Variants in PHLDB2 observed in about 807,000 individuals in gnomAD.
The protein encoded by PHLDB2 is pleckstrin homology-like domain family B member 2.
PHLDB2 carries 71 observed loss-of-function variants against 123.6 expected under a neutral mutation model. That is an observed-to-expected ratio of 0.57 (90% confidence interval 0.47 to 0.70). The LOEUF (loss-of-function observed/expected upper bound fraction) is 0.70, where lower values mean the gene tolerates loss of function less well. Among genes scored for constraint, PHLDB2 ranks in the 30% least tolerant of loss-of-function variants. The pLI is 0.00. For missense variants in PHLDB2, 1,446 were observed against 1,519.5 expected (o/e 0.95, Z 0.80); for synonymous variants, 547 against 541.6 (o/e 1.01, Z -0.14).
At chr3:111,759,361 G>C (rs1183195388) in intron 1 of PHLDB2, among the ~76,000 whole-genome samples, 2 of 152,162 alleles carry the variant, frequency 1.3e-5, no homozygotes, top group East Asian at 3.8e-4. Context: ...GGTTTCTTTT[G>C]TAAGGGTACC....
At chr3:111,842,560 T>C (rs1165538706) in intron 1 of PHLDB2, among the ~76,000 whole-genome samples, 1 of 152,218 alleles carries the variant, frequency 6.6e-6, no homozygotes, top group Non-Finnish European at 1.5e-5. Context: ...TTCACTGCCC[T>C]AAAAATCTTC....
intron 13 of PHLDB2, among the ~76,000 whole-genome samples, chr3:111,966,251 C>A (rs1577217418): frequency 6.6e-6 from 1 of 152,132 alleles, no homozygotes; most frequent in East Asian, 1.9e-4. Context: ...TCTCATGGGT[C>A]ATTATTTTTA....
intron 1 of PHLDB2, among the ~76,000 whole-genome samples, chr3:111,767,234 G>A (rs890739868): frequency 6.6e-6 from 1 of 152,114 alleles, no homozygotes; most frequent in Non-Finnish European, 1.5e-5. Context: ...AAAGTCAAGG[G>A]ACTTTTCCAG....
chr3:111,866,153 G>A (rs2065070518), intron 1 of PHLDB2, among the ~76,000 whole-genome samples: 1 of 150,802 alleles, frequency 6.6e-6, no homozygotes, highest in South Asian at 2.1e-4. Context: ...CGAGTAGCTG[G>A]GATTACAGGC....
intron 1 of PHLDB2, among the ~76,000 whole-genome samples, chr3:111,868,451 C>T (rs1250782503): frequency 6.6e-6 from 1 of 150,658 alleles, no homozygotes; most frequent in Non-Finnish European, 1.5e-5. Flanking sequence ...GTTTTTTTTT[C>T]CCCCTTGCCA....
intron 1 of PHLDB2, among the ~76,000 whole-genome samples, chr3:111,839,856 A>T (rs1243043014): frequency 6.6e-6 from 1 of 151,730 alleles, no homozygotes; most frequent in Non-Finnish European, 1.5e-5. Context: ...GATCAAGTGT[A>T]GAAAATATGC....
chr3:111,824,610 C>G lies in PHLDB2; in HGVS notation c.-48-21211C>G, dbSNP rs545389772. 3.9e-5 allele frequency among the ~76,000 whole-genome samples: 6 copies of G among 152,300 alleles called. No homozygotes were observed. The South Asian group carries it at 1.2e-3, about 32-fold the overall frequency. The stretch of plus-strand genomic sequence containing the variant: ...GAAGTGGAAGTAAAAGCATGTAGCC[C>G]TGATTGCAGCTGGCAGCTGTGGGAA... On this transcript the variant is annotated intron_variant, in intron 1 of 17. Coordinates refer to the PHLDB2 transcript ENST00000393923.
At chr3:111,825,942 T>C (rs1001050430) in intron 1 of PHLDB2, among the ~76,000 whole-genome samples, 1 of 152,076 alleles carries the variant, frequency 6.6e-6, no homozygotes, top group Non-Finnish European at 1.5e-5. Context: ...TTTAAGAAAG[T>C]TTTCTGTAAT....
At chr3:111,769,433 G>T (rs7632963) in intron 1 of PHLDB2, among the ~76,000 whole-genome samples, 131,678 of 152,172 alleles carry the variant, frequency 0.87, 57,882 homozygotes, top group East Asian at 1. Context: ...GAGAGTAAAA[G>T]ACAAACTCTT....
intron 16 of PHLDB2, 66 bp downstream of exon 16, chr3:111,969,975 A>C: frequency 8.1e-6 from 12 of 1,489,834 alleles, no homozygotes; most frequent in Non-Finnish European, 1.1e-5. Context: ...GAGCAAAGGC[A>C]ATTGAAATTC....
At position 111,818,921 on chromosome 3, in the gene PHLDB2, C is replaced by T. The variant is rs145524193; in HGVS notation, c.-48-26900C>T. ...CCTTCCAAATTTCATGTCCACCTGT[C>T]CTAGTCAATTTAGGCTGCCAAAACA... On this transcript the variant is annotated intron_variant, in intron 1 of 17. Coordinates refer to the PHLDB2 transcript ENST00000393923. Among the ~76,000 whole-genome samples, 235 of 152,208 alleles carry T rather than the reference C, an allele frequency of 1.5e-3. 2 individuals are homozygous for T. The highest frequency in any genetic ancestry group is 0.014 in the Middle Eastern group (4 of 294).
chr3:111,920,632 T>C (rs1289821065), intron 5 of PHLDB2, among the ~76,000 whole-genome samples: 3 of 152,206 alleles, frequency 2.0e-5, no homozygotes, highest in African/African-American at 7.2e-5. Context: ...GCAGAGTTCA[T>C]ATAATTTGTG....
At chr3:111,766,643 A>G (rs1346645125) in intron 1 of PHLDB2, among the ~76,000 whole-genome samples, 1 of 152,138 alleles carries the variant, frequency 6.6e-6, no homozygotes, top group Non-Finnish European at 1.5e-5. Context: ...ACATGGGATA[A>G]ATTAAGATGA....
intron 1 of PHLDB2, among the ~76,000 whole-genome samples, chr3:111,879,069 A>G (rs535925184): frequency 7.0e-4 from 107 of 152,290 alleles, no homozygotes; most frequent in African/African-American, 2.5e-3. Context: ...GGCCTCATCA[A>G]ATGAGTTAGG....
chr3:111,921,824 G>C (rs1249705873), intron 5 of PHLDB2, among the ~76,000 whole-genome samples: 1 of 152,206 alleles, frequency 6.6e-6, no homozygotes, highest in East Asian at 1.9e-4. Flanking sequence ...GGATGGTCTC[G>C]ATCTCCTGAC....
chr3:111,757,254 G>A (rs1187515031), intron 1 of PHLDB2, among the ~76,000 whole-genome samples: 1 of 152,130 alleles, frequency 6.6e-6, no homozygotes, highest in East Asian at 1.9e-4. Context: ...TTTCCAACTT[G>A]GTTCCATTCT....
At chr3:111,779,278 T>G (rs4634085) in intron 1 of PHLDB2, among the ~76,000 whole-genome samples, 40,463 of 151,886 alleles carry the variant, frequency 0.27, 6,852 homozygotes, top group African/African-American at 0.48. Context: ...TTATAGAATC[T>G]GGGGTACATG....
chr3:111,879,303 T>C (rs542338685), intron 1 of PHLDB2, among the ~76,000 whole-genome samples: 2 of 152,346 alleles, frequency 1.3e-5, no homozygotes, highest in South Asian at 4.1e-4. Context: ...TCCAGGAATT[T>C]GTCCATTTCT....
At chr3:111,792,629 C>G (rs111318149) in intron 1 of PHLDB2, among the ~76,000 whole-genome samples, 3 of 152,044 alleles carry the variant, frequency 2.0e-5, no homozygotes, top group Non-Finnish European at 4.4e-5. Flanking sequence ...ATCATTTGAG[C>G]CCAGGAATTT....
Sources: gnomAD v4.1 joint callset for allele counts (sites outside exome capture counted in the v4.1 genomes callset) on GRCh38, gnomAD v4.1.1 for gene constraint, MANE v1.5 for transcripts, NCBI Gene and HGNC (gene_info 2026-07-23, HGNC 2026-07-21) for gene names.